IMMP1L: variants seen among roughly 807,000 people sequenced by gnomAD.
The protein encoded by IMMP1L is inner mitochondrial membrane peptidase subunit 1, also known as mitochondrial inner membrane protease subunit 1.
IMMP1L carries 24 observed loss-of-function variants against 21.8 expected under a neutral mutation model. That is an observed-to-expected ratio of 1.10 (90% CI 0.80 to 1.55). The LOEUF is 1.55. Ranked by LOEUF, IMMP1L falls within the 40% of genes most tolerant of loss-of-function variation. IMMP1L has a pLI of 0.00. For synonymous variants in IMMP1L, 46 were observed against 62.8 expected, an observed-to-expected ratio of 0.73 and a Z score of 1.26; for missense variants, 195 against 200.7, an observed-to-expected ratio of 0.97 and a Z score of 0.17.
At chr11:31,501,980 A>G (rs1420716424) in intron 1 of IMMP1L, among the ~76,000 whole-genome samples, 1 of 151,894 alleles carries the variant, frequency 6.6e-6, no homozygotes, top group Non-Finnish European at 1.5e-5. Flanking sequence ...TGTCTCAAAA[A>G]AAAAAGAAAA....
intron 4 of IMMP1L, among the ~76,000 whole-genome samples, chr11:31,440,209 A>G (rs1479884693): frequency 6.6e-6 from 1 of 152,118 alleles, no homozygotes. Flanking sequence ...TGGGGCAAGT[A>G]CAGGCTTATT....
At chr11:31,467,828 A>T (rs1362331393) in intron 1 of IMMP1L, among the ~76,000 whole-genome samples, 1 of 150,662 alleles carries the variant, frequency 6.6e-6, no homozygotes, top group Non-Finnish European at 1.5e-5. Flanking sequence ...TTCCAATGGG[A>T]AGATCTGGTA....
chr11:31,445,614 G>C (rs187026024), intron 4 of IMMP1L, among the ~76,000 whole-genome samples: 2 of 152,044 alleles, frequency 1.3e-5, no homozygotes, highest in Admixed American at 1.3e-4. Flanking sequence ...TCTCCTGCTT[G>C]TGTTTTACTC....
chr11:31,478,741 AAAGTC>A (rs1954799954), intron 1 of IMMP1L, among the ~76,000 whole-genome samples: 1 of 152,156 alleles, frequency 6.6e-6, no homozygotes, highest in African/African-American at 2.4e-5. Flanking sequence ...ATACTTGTGC[AAAGTC>A]AATTATGTAT....
In IMMP1L at chr11:31,463,304, G is replaced by T; in HGVS notation, c.-28C>A. The T allele has an allele frequency of 6.4e-7, 1 of 1,568,730 alleles. No individual in the cohort carries two copies. Among genetic ancestry groups the T allele is most frequent in the African/African-American group, 1.4e-5 (1 of 72,156 alleles). Reference sequence around the variant, plus strand: ...TTCTATGTAGACTCTGCCACCATTGGCCTGATGGTAAATTTCAAAAAGTTT... The same window carrying T: ...TTCTATGTAGACTCTGCCACCATTGTCCTGATGGTAAATTTCAAAAAGTTT... On this transcript the variant is annotated splice_region_variant and 5_prime_UTR_variant, in exon 2 of 6. Transcript: ENST00000532287.
At chr11:31,504,659 T>C (rs1955726636) in intron 1 of IMMP1L, among the ~76,000 whole-genome samples, 1 of 152,118 alleles carries the variant, frequency 6.6e-6, no homozygotes, top group Non-Finnish European at 1.5e-5. Flanking sequence ...CTTCTAACAG[T>C]AGAACACATA....
intron 4 of IMMP1L, 55 bp from the exon 5 acceptor site, chr11:31,433,625 A>C (rs1031802631): frequency 9.3e-7 from 1 of 1,080,022 alleles, no homozygotes; most frequent in Non-Finnish European, 1.4e-6. Context: ...TTTGGGTACT[A>C]TAATTAAAAA....
intron 4 of IMMP1L, among the ~76,000 whole-genome samples, chr11:31,434,131 A>G (rs531763685): frequency 1.3e-5 from 2 of 152,298 alleles, no homozygotes; most frequent in South Asian, 4.1e-4. Context: ...TACAGGCCAT[A>G]TCTTCAATGC....
At chr11:31,477,908 T>A (rs531859860) in intron 1 of IMMP1L, 18 of 152,320 alleles carry the variant, frequency 1.2e-4, no homozygotes, top group African/African-American at 4.3e-4. Flanking sequence ...CAGCTACAAA[T>A]CAAGTTTAAT....
At chr11:31,437,124 G>GTT (rs1259808001) in intron 4 of IMMP1L, 1 of 445,274 alleles carries the variant, frequency 2.2e-6, no homozygotes, top group Non-Finnish European at 4.5e-6. Context: ...ACCTCTATAA[G>GTT]TTGCAGGTTG....
At chr11:31,476,089 C>T (rs1954721314) in intron 1 of IMMP1L, among the ~76,000 whole-genome samples, 1 of 152,062 alleles carries the variant, frequency 6.6e-6, no homozygotes, top group Non-Finnish European at 1.5e-5. Flanking sequence ...TGAAATTACA[C>T]ATAAACCAAA....
At position 31,462,331 on chromosome 11, in the gene IMMP1L, A is replaced by AAAG. The variant is rs34918026; in HGVS notation, c.105+840_105+841insCTT. 1.5e-3 allele frequency among the ~76,000 whole-genome samples: 215 copies of AAAG among 147,176 alleles called. 1 individual carries two copies. The highest frequency in any genetic ancestry group is 2.2e-3 in the African/African-American group (87 of 39,006). On this transcript the variant is annotated intron_variant, in intron 2 of 5. Transcript: ENST00000532287. ...ACCCTGTCTCCAAAAAAAAAAAAAA[A>AAAG]GAAGGGAAATTTCAGTTAAATATAT...
intron 1 of IMMP1L, among the ~76,000 whole-genome samples, chr11:31,480,933 AG>A (rs1364003550): frequency 6.6e-6 from 1 of 152,150 alleles, no homozygotes; most frequent in Non-Finnish European, 1.5e-5. Context: ...TATGCACAAA[AG>A]AGCTTTTAAT....
intron 2 of IMMP1L, among the ~76,000 whole-genome samples, chr11:31,461,840 C>G (rs928148222): frequency 2.0e-5 from 3 of 152,142 alleles, no homozygotes; most frequent in African/African-American, 7.2e-5. Flanking sequence ...AACTCTACCT[C>G]AGAATCAGAA....
intron 1 of IMMP1L, among the ~76,000 whole-genome samples, chr11:31,487,142 A>G (rs1327138450): frequency 6.6e-6 from 1 of 151,864 alleles, no homozygotes; most frequent in African/African-American, 2.4e-5. Flanking sequence ...TATAAAAAGG[A>G]AGGATTCCTT....
chr11:31,441,297 T>C (rs1304162194), intron 4 of IMMP1L, among the ~76,000 whole-genome samples: 4 of 151,660 alleles, frequency 2.6e-5, no homozygotes, highest in African/African-American at 9.7e-5. Context: ...GCTTGTTGAA[T>C]TTTTTTAAAA....
intron 4 of IMMP1L, among the ~76,000 whole-genome samples, chr11:31,435,772 C>A (rs1448326914): frequency 6.6e-6 from 1 of 152,164 alleles, no homozygotes; most frequent in Middle Eastern, 3.4e-3. Flanking sequence ...GTACAAATAG[C>A]AAATATTCCC....
chr11:31,466,657 C>A (rs1265532217), intron 1 of IMMP1L, among the ~76,000 whole-genome samples: 1 of 151,856 alleles, frequency 6.6e-6, no homozygotes, highest in South Asian at 2.1e-4. Flanking sequence ...AAATCTGGCA[C>A]AGGAAGAAAA....
intron 1 of IMMP1L, among the ~76,000 whole-genome samples, chr11:31,486,086 C>T (rs1179055402): frequency 1.3e-5 from 2 of 150,796 alleles, no homozygotes; most frequent in Admixed American, 6.6e-5. Context: ...CCTCTCCTTA[C>T]GATAGACATG....
Sources: gnomAD v4.1 joint callset for allele counts (sites outside exome capture counted in the v4.1 genomes callset) on GRCh38, gnomAD v4.1.1 for gene constraint, MANE v1.5 for transcripts, NCBI Gene and HGNC (gene_info 2026-07-23, HGNC 2026-07-21) for gene names.